Variants in MILR1 observed in about 807,000 individuals in gnomAD.
The protein encoded by MILR1 is allergin-1.
MILR1 carries 31 observed loss-of-function variants against 18.5 expected under a neutral mutation model. The observed-to-expected ratio is 1.68, with a 90% CI of 1.26 to 2.26. The LOEUF (loss-of-function observed/expected upper bound fraction) is 2.26, where lower values mean the gene tolerates loss of function less well. Among genes scored for constraint, MILR1 ranks in the 30% most tolerant of loss-of-function variants. The pLI is 0.00. For synonymous variants in MILR1, 85 were observed against 56.2 expected (o/e 1.51, Z -2.30); for missense variants, 257 against 157.4 (o/e 1.63, Z -3.38).
At chr17:64,469,174 A>G (rs1199961170), downstream of MILR1, among the ~76,000 whole-genome samples, 1 of 152,124 alleles carries the variant, frequency 6.6e-6, no homozygotes, top group Non-Finnish European at 1.5e-5. Flanking sequence ...AACAGGTGAA[A>G]TGAATTGGAA....
At chr17:64,491,053 T>C in the MILR1 span, 25 of 1,064,472 alleles carry the variant, frequency 2.3e-5, no homozygotes, top group Non-Finnish European at 2.6e-5. Context: ...GAATTTAAAT[T>C]GTCCGATACT....
chr17:64,493,641 C>A, the MILR1 span, among the ~76,000 whole-genome samples: 1 of 151,992 alleles, frequency 6.6e-6, no homozygotes, highest in African/African-American at 2.4e-5. Context: ...CCCGCCACCA[C>A]GCCCGGCTAA....
At chr17:64,485,734 A>G in the MILR1 span, 1 of 1,612,556 alleles carries the variant, frequency 6.2e-7, no homozygotes, top group South Asian at 1.1e-5. Context: ...GCACCTTTCT[A>G]TGAAGATTTT....
chr17:64,485,721 A>C, the MILR1 span: 2 of 1,609,358 alleles, frequency 1.2e-6, no homozygotes, highest in East Asian at 4.5e-5. Context: ...TGAAATATCA[A>C]CAGCACCTTT....
the MILR1 span, chr17:64,496,521 C>CGA: frequency 5.0e-6 from 8 of 1,613,542 alleles, no homozygotes; most frequent in Non-Finnish European, 6.8e-6. Flanking sequence ...AGAGTTTCTG[C>CGA]AGAAACTAAC....
At chr17:64,468,967 A>T (rs189965356), downstream of MILR1, among the ~76,000 whole-genome samples, 4 of 152,082 alleles carry the variant, frequency 2.6e-5, no homozygotes, top group East Asian at 7.8e-4. Context: ...GGCACTTGTA[A>T]TTCCATCTAC....
chr17:64,473,697 A>G, the MILR1 span, among the ~76,000 whole-genome samples: 1 of 152,176 alleles, frequency 6.6e-6, no homozygotes, highest in African/African-American at 2.4e-5. Context: ...TTGTAAATAA[A>G]TTCTATAACA....
intron 6 of MILR1, 96 bp from the exon 7 acceptor site, chr17:64,466,346 A>C (rs562348615): frequency 2.0e-5 from 20 of 990,000 alleles, no homozygotes; most frequent in Middle Eastern, 2.7e-4. Context: ...GTCCCAGCCT[A>C]CATGGCCACA....
chr17:64,491,733 A>T, the MILR1 span: 1 of 812,192 alleles, frequency 1.2e-6, no homozygotes, highest in Admixed American at 1.8e-5. Context: ...CATGCTCTTC[A>T]TCTACTGCCT....
At chr17:64,488,512 G>T in the MILR1 span, among the ~76,000 whole-genome samples, 1 of 152,054 alleles carries the variant, frequency 6.6e-6, no homozygotes. Context: ...AGACCAGACT[G>T]GGCAACATAG....
chr17:64,465,548 GAA>G lies in MILR1; in HGVS notation c.853+8_853+9del, dbSNP rs1320747713. On this transcript the variant is annotated splice_region_variant and intron_variant, in intron 6 of 9. Transcript: ENST00000619286. ...ATCCTTGAAAAACAAGCAAGTAAGA[GAA>G]CTTTGTTGCGTGTTTTGGGTGGTTT... 8 of 1,600,062 alleles carry G rather than the reference GAA, an allele frequency of 5.0e-6. No individual in the cohort carries two copies. The Admixed American group carries it at 6.9e-5, about 14-fold the overall frequency.
At chr17:64,465,124 C>T (rs1363873220) in intron 5 of MILR1, among the ~76,000 whole-genome samples, 1 of 152,162 alleles carries the variant, frequency 6.6e-6, no homozygotes, top group Non-Finnish European at 1.5e-5. Flanking sequence ...GCCATTTACA[C>T]TCTCTTGAAG....
rs2144049455 is a variant in MILR1 at position 64,460,804 on chromosome 17, G to T, written c.653-18G>T. On this transcript the variant is annotated intron_variant, in intron 4 of 9. Coordinates refer to ENST00000619286, the MANE Select transcript of MILR1 (RefSeq NM_001085423.2). ...AAAGAAAATGCTATGGTCACCAATG[G>T]ATGCGGTCTTCTTCCAGGCGGAGAC... The T allele has an allele frequency of 1.9e-5, 9 of 474,710 alleles. No homozygotes were observed. In the East Asian group the frequency reaches 2.8e-4, roughly 15 times the overall value. 29.4% of individuals were successfully genotyped at this position (474,710 alleles called of 1,614,324 possible).
the MILR1 span, chr17:64,482,830 A>G: frequency 2.8e-4 from 220 of 787,732 alleles, 1 homozygote; most frequent in Middle Eastern, 3.1e-3. Flanking sequence ...TACCAAAAAA[A>G]TCCGAGATCC....
the MILR1 span, among the ~76,000 whole-genome samples, chr17:64,474,144 G>T: frequency 6.6e-6 from 1 of 151,374 alleles, no homozygotes; most frequent in African/African-American, 2.4e-5. Context: ...GCATGATCTT[G>T]GCTCACTGCA....
the MILR1 span, chr17:64,482,911 T>A: frequency 6.8e-7 from 1 of 1,476,582 alleles, no homozygotes; most frequent in Non-Finnish European, 9.5e-7. Flanking sequence ...TAAACTCATT[T>A]AACTCACCTG....
At chr17:64,484,712 G>A in the MILR1 span, among the ~76,000 whole-genome samples, 2 of 152,016 alleles carry the variant, frequency 1.3e-5, no homozygotes, top group African/African-American at 2.4e-5. Context: ...TTTTTTGTTA[G>A]CTACAAACCA....
At chr17:64,485,943 C>CAAA in the MILR1 span, 7 of 1,461,652 alleles carry the variant, frequency 4.8e-6, no homozygotes, top group Non-Finnish European at 6.7e-6. Flanking sequence ...GACGGAGTCT[C>CAAA]ACTCTGTCAC....
intron 5 of MILR1, among the ~76,000 whole-genome samples, chr17:64,462,407 T>C (rs937335950): frequency 6.6e-6 from 1 of 152,260 alleles, no homozygotes; most frequent in Admixed American, 6.5e-5. Context: ...CTGCAAGTGG[T>C]GCGGCTGCTC....
Sources: gnomAD v4.1 joint callset for allele counts (sites outside exome capture counted in the v4.1 genomes callset) on GRCh38, gnomAD v4.1.1 for gene constraint, MANE v1.5 for transcripts, NCBI Gene and HGNC (gene_info 2026-07-23, HGNC 2026-07-21) for gene names.